MLKL: variants seen among roughly 807,000 people sequenced by gnomAD.
MLKL encodes mixed lineage kinase domain-like protein.
A neutral mutation model predicts 56.5 loss-of-function variants in MLKL; 55 were observed. That is an observed-to-expected ratio of 0.97 (90% CI 0.78 to 1.22). The LOEUF (loss-of-function observed/expected upper bound fraction) is 1.22. Among genes scored for constraint, MLKL ranks in the 50% most tolerant of loss-of-function variants. The pLI is 0.00. For synonymous variants in MLKL, 251 were observed against 208.3 expected, an observed-to-expected ratio of 1.20 and a Z score of -1.76; for missense variants, 694 against 573.9, an observed-to-expected ratio of 1.21 and a Z score of -2.14.
intron 1 of MLKL, among the ~76,000 whole-genome samples, chr16:74,698,137 C>A (rs966248880): frequency 6.6e-6 from 1 of 151,028 alleles, no homozygotes; most frequent in African/African-American, 2.4e-5. Flanking sequence ...GCTGGGAGGT[C>A]GAGGCTGCAG....
intron 4 of MLKL, among the ~76,000 whole-genome samples, chr16:74,689,269 C>G (rs1171023755): frequency 6.6e-6 from 1 of 152,078 alleles, no homozygotes; most frequent in African/African-American, 2.4e-5. Context: ...CTCATGCCAC[C>G]ATGCCCAGCT....
At position 74,675,658 on chromosome 16, in the gene MLKL, A is replaced by C. The variant is rs762735921; in HGVS notation, c.1145T>G (p.Leu382Arg). The C allele has an allele frequency of 6.2e-7, 1 of 1,614,074 alleles. No individual in the cohort carries two copies. The highest frequency in any genetic ancestry group is 2.2e-5 in the East Asian group (1 of 44,880). The change falls in exon 8 of 11, where the codon CTG (leucine) becomes CGG (arginine). Residue 382 changes from leucine (L) to arginine (R), a missense_variant. By Grantham distance (102) the Leu-to-Arg change is moderately radical (BLOSUM62 -2). Coordinates refer to ENST00000308807, the MANE Select transcript of MLKL (RefSeq NM_152649.4). ...KSTAYLSPQE[L>R]EDVFYQYDVK... is the part of the protein sequence containing the mutation. ...ATCATATTGATAAAATACATCTTCC[A>C]GTTCCTGAGGTGAGAGATATGCTGT...
chr16:74,675,617 A>G lies in MLKL; in HGVS notation c.1186T>C (p.Tyr396His), dbSNP rs139283905. The G allele has an allele frequency of 5.6e-6, 9 of 1,612,968 alleles. No individual in the cohort carries two copies. The African/African-American group carries it at 1.1e-4, about 19-fold the overall frequency. ...TGTACCAGAACGTGAGTGTACCTGT[A>G]TATTTCAGACTTTACATCATATTGA... ...FYQYDVKSEI[Y>H]SFGIVLWEIA... Residue 396 changes from tyrosine to histidine, a missense_variant, in exon 8 of 11, where the codon TAC becomes CAC. Coordinates refer to ENST00000308807, the MANE Select transcript of MLKL (RefSeq NM_152649.4).
chr16:74,672,736 C>T (rs1446857036), intron 10 of MLKL, among the ~76,000 whole-genome samples, 198 bp from the exon 11 acceptor site: 11 of 152,194 alleles, frequency 7.2e-5, no homozygotes, highest in Admixed American at 7.2e-4. Flanking sequence ...ACACAAACAC[C>T]TCACAGGAGG....
intron 4 of MLKL, among the ~76,000 whole-genome samples, chr16:74,687,867 G>C (rs963082087): frequency 3.3e-5 from 5 of 149,942 alleles, no homozygotes; most frequent in East Asian, 2.0e-4. Flanking sequence ...GCTCTGTCAA[G>C]CAGGCTGGAG....
rs771365412 is a variant in MLKL at position 74,682,703 on chromosome 16, T to A, written c.904A>T (p.Thr302Ser). ...RELLDREKDL[T>S]LGKRMVLVLG... The stretch of plus-strand genomic sequence containing the variant: ...ACTAGGACCATGCGCTTGCCAAGTG[T>A]GAGGTCTTTTTCCCTATCCAACAGC... Residue 302 changes from threonine (T) to serine (S), a missense_variant, in exon 6 of 11, where the codon ACA becomes TCA. Coordinates refer to ENST00000308807, the MANE Select transcript of MLKL (RefSeq NM_152649.4). 6 of 1,614,068 alleles carry A rather than the reference T, an allele frequency of 3.7e-6. No individual in the cohort carries two copies. The highest frequency in any genetic ancestry group is 5.1e-6 in the Non-Finnish European group (6 of 1,180,012).
intron 1 of MLKL, 49 bp from the exon 2 acceptor site, chr16:74,695,808 T>G: frequency 2.0e-6 from 3 of 1,476,908 alleles, no homozygotes; most frequent in South Asian, 1.3e-5. Flanking sequence ...CTCCTGCATA[T>G]TCACTACTTG....
At position 74,691,381 on chromosome 16, in the gene MLKL, C is replaced by T. The variant is rs1450795293; in HGVS notation, c.618G>A (p.Trp206Ter). 1 of 1,614,034 alleles carries T rather than the reference C, an allele frequency of 6.2e-7. No individual in the cohort carries two copies. Residue 206 changes from tryptophan (W) to a stop codon, truncating the protein, a stop_gained, in exon 4 of 11, where the codon TGG becomes TGA. Coordinates refer to ENST00000308807, the MANE Select transcript of MLKL (RefSeq NM_152649.4). LOFTEE classifies it high-confidence loss of function. ...IKKEQLSGSP[W>*]ILLRENEVST... ...TGACTTCATTTTCCCTTAGCAGAAT[C>T]CACGGGGATCCTGAAAGCTGCTCCT...
At position 74,700,570 on chromosome 16, in the gene MLKL, G is replaced by T. The variant is rs536737107; in HGVS notation, c.-120C>A. 1 of 153,488 alleles carries T rather than the reference G, an allele frequency of 6.5e-6. No individual in the cohort carries two copies. Among genetic ancestry groups the T allele is most frequent in the East Asian group, 1.9e-4 (1 of 5,224 alleles). The allele number at this position is 153,488 out of a possible 1,614,324, so 9.5% of individuals were successfully genotyped here. ...GCCCAGGCGAGAAGTTTGCAAACGCGAGGCCCGCGGGAGTTCCCCTGCGCC... is the reference window on the plus strand; with the variant it reads ...GCCCAGGCGAGAAGTTTGCAAACGCTAGGCCCGCGGGAGTTCCCCTGCGCC... On this transcript the variant is annotated 5_prime_UTR_variant, in exon 1 of 11. Transcript: ENST00000308807.
chr16:74,685,422 T>C, intron 5 of MLKL, 64 bp downstream of exon 5: 1 of 1,211,430 alleles, frequency 8.3e-7, no homozygotes, highest in Non-Finnish European at 1.2e-6. Context: ...ATGCAACACA[T>C]TAAAACACAG....
At chr16:74,675,235 G>T (rs891482925) in intron 9 of MLKL, 120 bp downstream of exon 9, 2 of 1,563,644 alleles carry the variant, frequency 1.3e-6, no homozygotes, top group African/African-American at 2.7e-5. Flanking sequence ...CCACTGACCA[G>T]CCCAGGCAGT....
In MLKL at chr16:74,678,883, C is replaced by T. The variant is rs774979569; in HGVS notation, c.1038+16G>A. The T allele has an allele frequency of 1.9e-5, 30 of 1,612,844 alleles. No homozygotes were observed. The highest frequency in any genetic ancestry group is 3.3e-5 in the Admixed American group (2 of 60,018). Reference sequence around the variant, plus strand: ...ATGCAGGTTTGACCCAAAGCGCCCCCGCAAGGCACACTCACCTTCACTTGG... The same window carrying T: ...ATGCAGGTTTGACCCAAAGCGCCCCTGCAAGGCACACTCACCTTCACTTGG... On this transcript the variant is annotated intron_variant, in intron 7 of 10. Transcript: ENST00000308807.
intron 4 of MLKL, among the ~76,000 whole-genome samples, chr16:74,687,475 A>T (rs189284293): frequency 2.6e-5 from 4 of 152,334 alleles, no homozygotes; most frequent in Admixed American, 2.6e-4. Flanking sequence ...TTGTGTGGAA[A>T]TGAAAGGAAT....
Position 74,690,359 on chromosome 16 carries a change from A to C in MLKL, c.722+918T>G, listed in dbSNP as rs187674642. 3.9e-5 allele frequency among the ~76,000 whole-genome samples: 6 copies of C among 152,264 alleles called. No homozygotes were observed. In the East Asian group the frequency reaches 1.2e-3, roughly 29 times the overall value. On this transcript the variant is annotated intron_variant, in intron 4 of 10. Transcript: ENST00000308807. ...TAGTACTTAGTCACTTAATATACAC[A>C]TATCCCATGGCCCATCATTTTCTCT...
chr16:74,686,392 C>T (rs981070827), intron 4 of MLKL, among the ~76,000 whole-genome samples: 2 of 152,158 alleles, frequency 1.3e-5, no homozygotes, highest in Admixed American at 6.5e-5. Flanking sequence ...ACAATCCTGC[C>T]GAACATGGTG....
At chr16:74,675,191 C>T in intron 9 of MLKL, 91 bp from the exon 10 acceptor site, 1 of 1,567,018 alleles carries the variant, frequency 6.4e-7, no homozygotes, top group African/African-American at 1.4e-5. Context: ...ACTAGGGACT[C>T]TGAGTATGGA....
chr16:74,692,496 C>G, intron 2 of MLKL, 80 bp from the exon 3 acceptor site: 1 of 1,131,176 alleles, frequency 8.8e-7, no homozygotes, highest in Non-Finnish European at 1.3e-6. Context: ...CTAATTAAAA[C>G]TGTTGAGATA....
Position 74,678,889 on chromosome 16 carries a change from G to A in MLKL, c.1038+10C>T, listed in dbSNP as rs778809786. ...GTTTGACCCAAAGCGCCCCCGCAAG[G>A]CACACTCACCTTCACTTGGTAGCCT... On this transcript the variant is annotated intron_variant, in intron 7 of 10. Coordinates refer to ENST00000308807, the MANE Select transcript of MLKL (RefSeq NM_152649.4). 1.9e-6 allele frequency: 3 copies of A among 1,613,216 alleles called. No individual in the cohort carries two copies. The highest frequency in any genetic ancestry group is 1.3e-5 in the African/African-American group (1 of 74,910).
rs201982707 is a variant in MLKL at position 74,675,065 on chromosome 16, C to T, written c.1276G>A (p.Val426Met). ...NSEKIRKLVAVKRQQEPLGED... is the reference protein window; with the variant it reads ...NSEKIRKLVAMKRQQEPLGED... ...CCCAGTGGCTCCTGCTGCCGCTTCACAGCCACCAGCTTGCGGATCTTCTCA... is the reference window on the plus strand; with the variant it reads ...CCCAGTGGCTCCTGCTGCCGCTTCATAGCCACCAGCTTGCGGATCTTCTCA... Residue 426 changes from valine to methionine, a missense_variant, in exon 10 of 11, where the codon GTG becomes ATG. Coordinates refer to ENST00000308807, the MANE Select transcript of MLKL (RefSeq NM_152649.4). 2.4e-5 allele frequency: 38 copies of T among 1,614,058 alleles called. No homozygotes were observed. In the South Asian group the frequency reaches 3.8e-4, roughly 16 times the overall value.
Sources: gnomAD v4.1 joint callset for allele counts (sites outside exome capture counted in the v4.1 genomes callset) on GRCh38, gnomAD v4.1.1 for gene constraint, MANE v1.5 for transcripts, NCBI Gene and HGNC (gene_info 2026-07-23, HGNC 2026-07-21) for gene names.